The following PTPRO variants were observed in gnomAD, a reference collection of about 807,000 sequenced individuals.
PTPRO encodes receptor-type tyrosine-protein phosphatase O.
PTPRO carries 62 observed loss-of-function variants against 145.2 expected under a neutral mutation model. The observed-to-expected ratio is 0.43, with a 90% CI of 0.35 to 0.53. The LOEUF (loss-of-function observed/expected upper bound fraction) is 0.53. Among genes scored for constraint, PTPRO ranks in the 20% least tolerant of loss-of-function variants. The pLI, the probability that PTPRO is intolerant of heterozygous loss-of-function variation, is 0.01. For missense variants in PTPRO, 1,345 were observed against 1,482.7 expected, an observed-to-expected ratio of 0.91 and a Z score of 1.53; for synonymous variants, 565 against 514.7, an observed-to-expected ratio of 1.10 and a Z score of -1.32.
intron 1 of PTPRO, among the ~76,000 whole-genome samples, chr12:15,354,090 T>C (rs1024054757): frequency 6.6e-6 from 1 of 152,172 alleles, no homozygotes; most frequent in African/African-American, 2.4e-5. Context: ...TAACTGTTGG[T>C]CCTCCTCAAA....
chr12:15,365,041 C>G (rs2136248889), intron 1 of PTPRO, among the ~76,000 whole-genome samples: 1 of 152,222 alleles, frequency 6.6e-6, no homozygotes, highest in East Asian at 1.9e-4. Flanking sequence ...TTTTTCTTTT[C>G]ACAATTAGGC....
At chr12:15,334,904 T>A (rs1191753421) in intron 1 of PTPRO, among the ~76,000 whole-genome samples, 1 of 152,114 alleles carries the variant, frequency 6.6e-6, no homozygotes, top group African/African-American at 2.4e-5. Context: ...CTGGAAACAT[T>A]TGAAAACACA....
chr12:15,332,435 G>A (rs568594804), intron 1 of PTPRO, among the ~76,000 whole-genome samples: 54 of 152,264 alleles, frequency 3.5e-4, no homozygotes, highest in Non-Finnish European at 4.6e-4. Flanking sequence ...AGGAAAATAC[G>A]TAGATATCTT....
chr12:15,413,399 A>T (rs1282833223), intron 1 of PTPRO, among the ~76,000 whole-genome samples: 1 of 152,204 alleles, frequency 6.6e-6, no homozygotes, highest in East Asian at 1.9e-4. Flanking sequence ...CTGATTAAAG[A>T]TTCTTGATAC....
intron 1 of PTPRO, among the ~76,000 whole-genome samples, chr12:15,336,486 T>A (rs1038801759): frequency 1.3e-5 from 2 of 152,234 alleles, no homozygotes; most frequent in African/African-American, 4.8e-5. Context: ...TCTATGTATG[T>A]GCCCACCATT....
At position 15,569,520 on chromosome 12, in the gene PTPRO, C is replaced by G. The variant is rs368134217; in HGVS notation, c.2829+22C>G. ...TGAGGTGAGTTGGTTAAGGCATTTTCTACCTTCTGTAATGGAAAGGGCCTG... is the reference window on the plus strand; with the variant it reads ...TGAGGTGAGTTGGTTAAGGCATTTTGTACCTTCTGTAATGGAAAGGGCCTG... On this transcript the variant is annotated intron_variant, in intron 19 of 26. Coordinates refer to ENST00000281171, the MANE Select transcript of PTPRO (RefSeq NM_030667.3). 3.2e-6 allele frequency: 5 copies of G among 1,582,928 alleles called. No homozygotes were observed. The African/African-American group carries it at 6.7e-5, about 21-fold the overall frequency.
chr12:15,433,470 A>ACCAT (rs1329172180), intron 1 of PTPRO, among the ~76,000 whole-genome samples: 1 of 152,216 alleles, frequency 6.6e-6, no homozygotes, highest in Admixed American at 6.5e-5. Context: ...GGCGACAGCC[A>ACCAT]CCATGCCCAG....
chr12:15,413,489 A>G (rs1939859466), intron 1 of PTPRO, among the ~76,000 whole-genome samples: 1 of 152,184 alleles, frequency 6.6e-6, no homozygotes, highest in Admixed American at 6.5e-5. Context: ...TTTAAATCAC[A>G]CTTTAAGATC....
intron 7 of PTPRO, among the ~76,000 whole-genome samples, chr12:15,513,106 A>T (rs12814496): frequency 0.027 from 310 of 11,448 alleles, 41 homozygotes; most frequent in South Asian, 0.062. Flanking sequence ...AAAGAAAGAA[A>T]GAAAGGAAGG....
chr12:15,509,641 G>A (rs1351577682), intron 7 of PTPRO, among the ~76,000 whole-genome samples: 5 of 83,970 alleles, frequency 6.0e-5, no homozygotes, highest in African/African-American at 1.1e-4. Context: ...GGGTTGCAGT[G>A]AGCCCACTGT....
intron 12 of PTPRO, among the ~76,000 whole-genome samples, chr12:15,530,955 T>G (rs1432345486): frequency 6.6e-6 from 1 of 151,530 alleles, no homozygotes; most frequent in Non-Finnish European, 1.5e-5. Flanking sequence ...TTTAAAAAGA[T>G]AAAATCAACA....
At chr12:15,482,051 G>A (rs1304368567) in intron 1 of PTPRO, among the ~76,000 whole-genome samples, 1 of 152,034 alleles carries the variant, frequency 6.6e-6, no homozygotes, top group Non-Finnish European at 1.5e-5. Flanking sequence ...CGATTTCTCT[G>A]CACTCCCATG....
chr12:15,585,573 T>C (rs943408981), intron 23 of PTPRO, among the ~76,000 whole-genome samples: 1 of 152,222 alleles, frequency 6.6e-6, no homozygotes, highest in Non-Finnish European at 1.5e-5. Context: ...ATGAATTGTC[T>C]TTATACGTTT....
At chr12:15,444,588 C>T (rs1482466664) in intron 1 of PTPRO, among the ~76,000 whole-genome samples, 1 of 152,028 alleles carries the variant, frequency 6.6e-6, no homozygotes, top group Admixed American at 6.6e-5. Context: ...CCTCCCCCGC[C>T]CAAATTTGTT....
intron 1 of PTPRO, among the ~76,000 whole-genome samples, chr12:15,381,337 G>T (rs1313856649): frequency 6.6e-6 from 1 of 152,068 alleles, no homozygotes; most frequent in African/African-American, 2.4e-5. Flanking sequence ...CTTAATAATG[G>T]TTTCTCTCAA....
chr12:15,359,554 C>T (rs1938109433), intron 1 of PTPRO, among the ~76,000 whole-genome samples: 2 of 150,600 alleles, frequency 1.3e-5, no homozygotes, highest in African/African-American at 4.9e-5. Context: ...AGGCACCCAC[C>T]ACCACGCCTA....
chr12:15,594,299 T>G (rs1944612054), intron 25 of PTPRO, among the ~76,000 whole-genome samples: 1 of 152,084 alleles, frequency 6.6e-6, no homozygotes, highest in East Asian at 1.9e-4. Flanking sequence ...TTAAAGACAA[T>G]TTATTAAATT....
chr12:15,572,604 C>T (rs1438271147), intron 19 of PTPRO, among the ~76,000 whole-genome samples: 2 of 151,942 alleles, frequency 1.3e-5, no homozygotes, highest in Admixed American at 6.6e-5. Context: ...AAGAGGTTAA[C>T]ATTTTGTGAA....
chr12:15,405,784 A>G (rs1231847324), intron 1 of PTPRO, among the ~76,000 whole-genome samples: 3 of 152,200 alleles, frequency 2.0e-5, no homozygotes, highest in Non-Finnish European at 4.4e-5. Context: ...AGCTTATTTA[A>G]TACTAGAAGA....
Sources: allele counts gnomAD v4.1 joint callset (sites outside exome capture counted in the v4.1 genomes callset), GRCh38; gene constraint gnomAD v4.1.1; transcripts MANE v1.5; gene names NCBI Gene and HGNC (gene_info 2026-07-23, HGNC 2026-07-21).